The following EEFSEC variants were observed in gnomAD, a reference collection of about 807,000 sequenced individuals.
EEFSEC encodes selenocysteine-specific elongation factor.
EEFSEC carries 43 observed loss-of-function variants against 42.1 expected under a neutral mutation model. That is an observed-to-expected ratio of 1.02 (90% confidence interval 0.80 to 1.32). The LOEUF is 1.32. EEFSEC is among the 40% of genes most tolerant of loss of function. The probability of loss-of-function intolerance (pLI) is 0.00; values close to 1 mark genes in which losing one functional copy is unlikely to be tolerated. For missense variants in EEFSEC, 745 were observed against 803.6 expected, an observed-to-expected ratio of 0.93 and a Z score of 0.88; for synonymous variants, 354 against 339.1, an observed-to-expected ratio of 1.04 and a Z score of -0.48.
intron 4 of EEFSEC, among the ~76,000 whole-genome samples, chr3:128,332,841 G>A (rs947772902): frequency 1.3e-5 from 2 of 152,184 alleles, no homozygotes; most frequent in Admixed American, 6.5e-5. Flanking sequence ...TGCATTAGGC[G>A]GGGGAAAATG....
At chr3:128,397,217 G>A (rs559319497) in intron 6 of EEFSEC, among the ~76,000 whole-genome samples, 1 of 152,340 alleles carries the variant, frequency 6.6e-6, no homozygotes, top group Admixed American at 6.5e-5. Flanking sequence ...GATGGCTGCA[G>A]CCCCCTGCTG....
chr3:128,179,398 T>G (rs2065382441), intron 1 of EEFSEC, among the ~76,000 whole-genome samples: 1 of 152,126 alleles, frequency 6.6e-6, no homozygotes, highest in South Asian at 2.1e-4. Context: ...GTGTAGGCAT[T>G]CGCATTGGCT....
At chr3:128,184,964 G>C (rs1288066340) in intron 1 of EEFSEC, among the ~76,000 whole-genome samples, 1 of 152,166 alleles carries the variant, frequency 6.6e-6, no homozygotes, top group Non-Finnish European at 1.5e-5. Context: ...GAGCCCAGGA[G>C]TTTGAGGCTA....
chr3:128,211,948 C>T (rs1425246008), intron 1 of EEFSEC, among the ~76,000 whole-genome samples: 1 of 148,856 alleles, frequency 6.7e-6, no homozygotes, highest in Non-Finnish European at 1.5e-5. Flanking sequence ...TAAGCTCCGC[C>T]TCCCGGGTTC....
chr3:128,163,566 C>T (rs115408553), intron 1 of EEFSEC, among the ~76,000 whole-genome samples: 1,709 of 151,860 alleles, frequency 0.011, 23 homozygotes, highest in African/African-American at 0.039. Context: ...ACCCATTTCA[C>T]TGAGTGTACA....
At chr3:128,343,542 G>T (rs530815004) in intron 5 of EEFSEC, among the ~76,000 whole-genome samples, 25 of 152,330 alleles carry the variant, frequency 1.6e-4, no homozygotes, top group African/African-American at 5.3e-4. Context: ...GATAAAGTGT[G>T]TGTCACTCGT....
At chr3:128,196,433 C>T (rs1382688684) in intron 1 of EEFSEC, among the ~76,000 whole-genome samples, 1 of 152,108 alleles carries the variant, frequency 6.6e-6, no homozygotes, top group South Asian at 2.1e-4. Context: ...AATACAAAGT[C>T]ACTTTTTTCT....
chr3:128,241,674 G>A (rs1488075861), intron 1 of EEFSEC, among the ~76,000 whole-genome samples: 3 of 152,196 alleles, frequency 2.0e-5, no homozygotes, highest in Non-Finnish European at 4.4e-5. Context: ...TTGGTGTTGA[G>A]ATGTAGGTAA....
At chr3:128,231,735 C>T (rs374752566) in intron 1 of EEFSEC, among the ~76,000 whole-genome samples, 7 of 152,224 alleles carry the variant, frequency 4.6e-5, no homozygotes, top group African/African-American at 1.7e-4. Flanking sequence ...TCTCGGTGCC[C>T]TGTTAGGGCC....
At chr3:128,397,984 G>A (rs760057142) in intron 6 of EEFSEC, among the ~76,000 whole-genome samples, 3 of 152,248 alleles carry the variant, frequency 2.0e-5, no homozygotes, top group Non-Finnish European at 4.4e-5. Context: ...TCACCCCCCA[G>A]CCTCTGTGCA....
chr3:128,179,392 A>G (rs914174513), intron 1 of EEFSEC, among the ~76,000 whole-genome samples: 6 of 152,264 alleles, frequency 3.9e-5, no homozygotes, highest in African/African-American at 1.4e-4. Context: ...AGAATCGTGT[A>G]GGCATTCGCA....
At chr3:128,388,653 G>C (rs1398631471) in intron 6 of EEFSEC, among the ~76,000 whole-genome samples, 2 of 152,234 alleles carry the variant, frequency 1.3e-5, no homozygotes, top group South Asian at 4.1e-4. Flanking sequence ...GGTGTAGTCT[G>C]CCTGTACCCC....
At chr3:128,268,678 C>T (rs983591498) in intron 4 of EEFSEC, among the ~76,000 whole-genome samples, 7 of 151,908 alleles carry the variant, frequency 4.6e-5, no homozygotes, top group Non-Finnish European at 1.0e-4. Context: ...AGAGAGAAGT[C>T]CATATAAAGA....
intron 5 of EEFSEC, among the ~76,000 whole-genome samples, chr3:128,352,694 C>A (rs2067403187): frequency 6.6e-6 from 1 of 152,190 alleles, no homozygotes; most frequent in South Asian, 2.1e-4. Flanking sequence ...CTGAGGGAGT[C>A]CTAAGGGAGG....
At chr3:128,224,601 A>T (rs1488909342) in intron 1 of EEFSEC, among the ~76,000 whole-genome samples, 4 of 152,100 alleles carry the variant, frequency 2.6e-5, no homozygotes, top group African/African-American at 9.7e-5. Flanking sequence ...TGCTTGTTTC[A>T]TCTCTCTCTC....
chr3:128,251,492 A>G (rs1236621584), intron 2 of EEFSEC, among the ~76,000 whole-genome samples: 1 of 152,204 alleles, frequency 6.6e-6, no homozygotes, highest in African/African-American at 2.4e-5. Context: ...AGTAGAAAAT[A>G]GTGTTTTAGT....
At chr3:128,320,187 G>A (rs1385420196) in intron 4 of EEFSEC, among the ~76,000 whole-genome samples, 3 of 152,228 alleles carry the variant, frequency 2.0e-5, no homozygotes, top group African/African-American at 4.8e-5. Flanking sequence ...TTCTCCAGGA[G>A]AGCTTGTTGC....
In EEFSEC at chr3:128,408,136, T is replaced by C; in HGVS notation, c.1668T>C (p.Arg556=). ...TCAAGAAGCGGGCCCGGGCTGGCCG[T>C]GGGGAGGCCACCAGGCAGGAGGAGA... ...PALKKRARAG[R]GEATRQEESA... is the part of the protein sequence containing the mutation. The change falls in exon 7 of 7, where the codon CGT becomes CGC. Residue 556 remains arginine (R), a synonymous_variant. Coordinates refer to ENST00000254730, the MANE Select transcript of EEFSEC (RefSeq NM_021937.5). The C allele has an allele frequency of 1.2e-6, 2 of 1,611,594 alleles. No individual in the cohort carries two copies. The highest frequency in any genetic ancestry group is 1.7e-6 in the Non-Finnish European group (2 of 1,178,854).
At chr3:128,170,595 C>T (rs1028121257) in intron 1 of EEFSEC, among the ~76,000 whole-genome samples, 7 of 152,160 alleles carry the variant, frequency 4.6e-5, no homozygotes, top group Non-Finnish European at 1.5e-5. Context: ...AGCAACACCC[C>T]CAGCTTGGGG....
Sources: gnomAD v4.1 joint callset for allele counts (sites outside exome capture counted in the v4.1 genomes callset) on GRCh38, gnomAD v4.1.1 for gene constraint, MANE v1.5 for transcripts, NCBI Gene and HGNC (gene_info 2026-07-23, HGNC 2026-07-21) for gene names.